SLCO1B3: variants seen among roughly 807,000 people sequenced by gnomAD.
SLCO1B3 encodes the protein liver-specific organic anion transporter 2.
A neutral mutation model predicts 71.8 loss-of-function variants in SLCO1B3; 72 were observed. The ratio of observed to expected loss-of-function variants is 1.00; its 90% CI spans 0.83 to 1.22. SLCO1B3 has a LOEUF of 1.22. Among genes scored for constraint, SLCO1B3 ranks in the 50% most tolerant of loss-of-function variants. The pLI is 0.00. For missense variants in SLCO1B3, 911 were observed against 819.7 expected (o/e 1.11, Z -1.36); for synonymous variants, 298 against 278.4 (o/e 1.07, Z -0.70).
At chr12:20,833,544 A>G (rs1377021379) in intron 3 of SLCO1B3, among the ~76,000 whole-genome samples, 4 of 144,050 alleles carry the variant, frequency 2.8e-5, no homozygotes, top group African/African-American at 1.0e-4. Flanking sequence ...ATATATGTAT[A>G]TTGTACACAT....
intron 3 of SLCO1B3, among the ~76,000 whole-genome samples, chr12:20,849,726 C>CAT (rs1216339790): frequency 9.2e-6 from 1 of 108,202 alleles, no homozygotes; most frequent in Non-Finnish European, 2.0e-5. Flanking sequence ...CACACACACA[C>CAT]ACACACACAC....
intron 14 of SLCO1B3, among the ~76,000 whole-genome samples, chr12:20,899,276 C>A (rs1343521145): frequency 6.6e-6 from 1 of 152,042 alleles, no homozygotes; most frequent in Non-Finnish European, 1.5e-5. Flanking sequence ...TGTGAGTGGT[C>A]CTTTGTAAGA....
Position 20,905,294 on chromosome 12 carries a change from A to G in SLCO1B3, c.1865+3827A>G, listed in dbSNP as rs1462446660. On this transcript the variant is annotated intron_variant, in intron 15 of 15. Coordinates refer to ENST00000381545, the MANE Select transcript of SLCO1B3 (RefSeq NM_019844.4). ...GAGGGGCCTCCATTAAGGTCTCTAA[A>G]ATGTCCTAGAGATATTTTCCCCACT... Among the ~76,000 whole-genome samples the G allele has an allele frequency of 2.0e-5, 3 of 152,076 alleles. No homozygotes were observed. The East Asian group carries it at 5.8e-4, about 29-fold the overall frequency.
intron 13 of SLCO1B3, among the ~76,000 whole-genome samples, chr12:20,893,527 A>T (rs1325064216): frequency 6.6e-6 from 1 of 152,166 alleles, no homozygotes; most frequent in Admixed American, 6.6e-5. Flanking sequence ...ATCAATGAGA[A>T]CTTCTACATT....
At chr12:20,843,011 T>C (rs1400914798) in intron 3 of SLCO1B3, among the ~76,000 whole-genome samples, 2 of 152,154 alleles carry the variant, frequency 1.3e-5, no homozygotes, top group Non-Finnish European at 2.9e-5. Flanking sequence ...CTTTTCAACC[T>C]CTGGAACTGT....
chr12:20,832,347 A>T (rs1406453048), intron 3 of SLCO1B3, among the ~76,000 whole-genome samples: 2 of 152,010 alleles, frequency 1.3e-5, no homozygotes, highest in Non-Finnish European at 2.9e-5. Flanking sequence ...TTATTTGATT[A>T]TTTTCCCTCA....
intron 15 of SLCO1B3, among the ~76,000 whole-genome samples, chr12:20,911,454 A>G (rs1165971653): frequency 2.6e-5 from 4 of 152,170 alleles, no homozygotes; most frequent in Non-Finnish European, 4.4e-5. Context: ...TGCTGACCTC[A>G]TAGGAGACAG....
rs1041028613 is a variant in SLCO1B3 at position 20,827,426 on chromosome 12, T to C, written c.84+11604T>C. ...AAATGCTTTTGTAAATCCAATTAAT[T>C]ACAGCTCCTTTATATATTTTTAGTA... On this transcript the variant is annotated intron_variant, in intron 3 of 15. Coordinates refer to ENST00000381545, the MANE Select transcript of SLCO1B3 (RefSeq NM_019844.4). Among the ~76,000 whole-genome samples the C allele has an allele frequency of 4.6e-5, 7 of 152,324 alleles. No homozygotes were observed. In the East Asian group the frequency reaches 7.7e-4, roughly 17 times the overall value.
intron 4 of SLCO1B3, among the ~76,000 whole-genome samples, chr12:20,856,961 A>C (rs1423437309): frequency 1.1e-5 from 1 of 92,066 alleles, no homozygotes; most frequent in African/African-American, 2.8e-5. Context: ...GATGACTGTA[A>C]TTATTTTTTT....
chr12:20,886,365 C>T (rs770500544), intron 13 of SLCO1B3, among the ~76,000 whole-genome samples: 3 of 151,934 alleles, frequency 2.0e-5, no homozygotes, highest in Non-Finnish European at 4.4e-5. Context: ...TATTTAAATC[C>T]AATGCCACAT....
intron 13 of SLCO1B3, among the ~76,000 whole-genome samples, chr12:20,885,079 T>C (rs1865768351): frequency 6.6e-6 from 1 of 152,126 alleles, no homozygotes; most frequent in Admixed American, 6.5e-5. Flanking sequence ...AAAGGAGAGT[T>C]TTAAAAACAT....
chr12:20,916,460 G>T lies in SLCO1B3; in HGVS notation c.*213G>T, dbSNP rs915164223. 2.9e-5 allele frequency: 12 copies of T among 419,804 alleles called. 1 individual carries two copies. Among genetic ancestry groups the T allele is most frequent in the East Asian group, 1.5e-4 (4 of 26,506 alleles). The allele number at this position is 419,804 out of a possible 1,614,324, so 26.0% of individuals were successfully genotyped here. On this transcript the variant is annotated 3_prime_UTR_variant, in exon 16 of 16. Coordinates refer to ENST00000381545, the MANE Select transcript of SLCO1B3 (RefSeq NM_019844.4). ...ATAAAAATTTAAAGTGAGAGGCATG[G>T]TTAGTGTGTGATACAATAAAAAGTA...
chr12:20,854,445 A>C (rs1438965371), intron 3 of SLCO1B3, among the ~76,000 whole-genome samples: 2 of 152,126 alleles, frequency 1.3e-5, no homozygotes, highest in Non-Finnish European at 2.9e-5. Flanking sequence ...TTATGCCGCT[A>C]TAATGTCCTT....
Position 20,877,812 on chromosome 12 carries a change from GTATGT to G in SLCO1B3, c.1015_1019del (p.Val339IlefsTer21), listed in dbSNP as rs1274588171. The G allele has an allele frequency of 1.3e-6, 2 of 1,559,396 alleles. No homozygotes were observed. Among genetic ancestry groups the G allele is most frequent in the African/African-American group, 2.8e-5 (2 of 71,892 alleles). Reference sequence around the variant, plus strand: ...TGAAAAGCATCCTTACCAATCCCCTGTATGTTATATTTCTGCTTTTGACATTGTTA... The same window carrying G: ...TGAAAAGCATCCTTACCAATCCCCTGTATATTTCTGCTTTTGACATTGTTA... On this transcript the variant is annotated frameshift_variant, in exon 10 of 16. Transcript: ENST00000381545. LOFTEE classifies it high-confidence loss of function.
chr12:20,906,450 A>G (rs1866247647), intron 15 of SLCO1B3, among the ~76,000 whole-genome samples: 1 of 152,292 alleles, frequency 6.6e-6, no homozygotes, highest in Admixed American at 6.5e-5. Context: ...TGCCAAACCT[A>G]TAGAACTTTA....
intron 3 of SLCO1B3, among the ~76,000 whole-genome samples, chr12:20,846,760 G>A (rs1224469442): frequency 6.6e-6 from 1 of 152,066 alleles, no homozygotes; most frequent in African/African-American, 2.4e-5. Context: ...AGGTTCAGTG[G>A]GGCAGGGGAG....
intron 3 of SLCO1B3, among the ~76,000 whole-genome samples, chr12:20,840,956 A>T (rs1565584862): frequency 2.0e-5 from 3 of 152,208 alleles, no homozygotes; most frequent in Admixed American, 2.0e-4. Flanking sequence ...CATTTACTAT[A>T]AGATCCAGGT....
At chr12:20,876,719 C>T (rs913302953) in intron 9 of SLCO1B3, among the ~76,000 whole-genome samples, 1 of 152,062 alleles carries the variant, frequency 6.6e-6, no homozygotes, top group East Asian at 1.9e-4. Flanking sequence ...AAACATTTAC[C>T]AGCACATCAT....
At chr12:20,871,029 T>G (rs891197201) in intron 8 of SLCO1B3, among the ~76,000 whole-genome samples, 4 of 152,230 alleles carry the variant, frequency 2.6e-5, no homozygotes, top group African/African-American at 4.8e-5. Flanking sequence ...GATCCCAGGA[T>G]AAATCCCACT....
Sources: gnomAD v4.1 joint callset for allele counts (sites outside exome capture counted in the v4.1 genomes callset) on GRCh38, gnomAD v4.1.1 for gene constraint, MANE v1.5 for transcripts, NCBI Gene and HGNC (gene_info 2026-07-23, HGNC 2026-07-21) for gene names.